Variants in GTPBP6 observed in about 807,000 individuals in gnomAD.
GTPBP6 encodes the protein putative GTP-binding protein 6.
In GTPBP6, 33 loss-of-function variants were observed where a neutral mutation model predicts 28.9. That is an observed-to-expected ratio of 1.14 (90% CI 0.87 to 1.53). GTPBP6 has a LOEUF of 1.53. Ranked by LOEUF, GTPBP6 falls within the 40% of genes most tolerant of loss-of-function variation. GTPBP6 has a pLI of 0.00. For synonymous variants in GTPBP6, 231 were observed against 192.7 expected (o/e 1.20, Z -1.65); for missense variants, 507 against 408.3 (o/e 1.24, Z -2.08).
chrX:304,974 C>G, exon 10 of GTPBP6: 1 of 1,528,056 alleles, frequency 6.5e-7, no homozygotes, highest in Non-Finnish European at 8.8e-7. Context: ...ACAAGGAGGA[C>G]CCTGCTGCAC....
At chrX:307,676 C>T (rs1371837256) in intron 8 of GTPBP6, 56 bp downstream of exon 8, 10 of 1,448,060 alleles carry the variant, frequency 6.9e-6, no homozygotes, top group East Asian at 2.5e-5. Flanking sequence ...TCTCCCCACC[C>T]GGCTCCAGCG....
At chrX:307,108 CTG>C (rs1188458203) in intron 9 of GTPBP6, among the ~76,000 whole-genome samples, 1 of 150,574 alleles carries the variant, frequency 6.6e-6, no homozygotes, top group Admixed American at 6.6e-5. Context: ...TACATTTTGA[CTG>C]TCAGCACAGA....
intron 2 of GTPBP6, among the ~76,000 whole-genome samples, chrX:316,485 C>G (rs2124477645): frequency 6.6e-6 from 1 of 152,278 alleles, no homozygotes; most frequent in African/African-American, 2.4e-5. Flanking sequence ...AGCGTCTTCC[C>G]AACTCTACTG....
Position 313,005 on chromosome X carries a change from G to T in GTPBP6, c.758-81C>A. 4 of 1,246,402 alleles carry T rather than the reference G, an allele frequency of 3.2e-6. No individual in the cohort carries two copies. The East Asian group carries it at 7.3e-5, about 23-fold the overall frequency. 77.2% of individuals were successfully genotyped at this position (1,246,402 alleles called of 1,614,324 possible). On this transcript the variant is annotated intron_variant, in intron 5 of 9. Coordinates refer to ENST00000326153, the Ensembl canonical transcript of GTPBP6. ...CGGGCGGTGCCGCGGAGGGTCTGCGGGGGCCCGGGGCCTGCTCCCGCTCCA... is the reference window on the plus strand; with the variant it reads ...CGGGCGGTGCCGCGGAGGGTCTGCGTGGGCCCGGGGCCTGCTCCCGCTCCA...
Position 315,561 on chromosome X carries a change from C to T in GTPBP6, c.488-262G>A, listed in dbSNP as rs2070415484. The stretch of plus-strand genomic sequence containing the variant: ...AAACACATACACACGCAGACACACA[C>T]ACACACACACACACACACACACACA... On this transcript the variant is annotated intron_variant, in intron 2 of 9. Transcript: ENST00000326153. 2.6e-5 allele frequency among the ~76,000 whole-genome samples: 3 copies of T among 117,016 alleles called. No individual in the cohort carries two copies. In the East Asian group the frequency reaches 6.5e-4, roughly 25 times the overall value. The allele number at this position is 117,016 out of a possible 152,430, so 76.8% of individuals were successfully genotyped here.
At chrX:317,396 G>T (rs1490475127) in intron 1 of GTPBP6, among the ~76,000 whole-genome samples, 1 of 152,080 alleles carries the variant, frequency 6.6e-6, no homozygotes, top group Non-Finnish European at 1.5e-5. Context: ...TCTGCGCGCT[G>T]TTCTGAGCAG....
chrX:314,189 G>A (rs2070379944), exon 5 of GTPBP6: 3 of 1,613,512 alleles, frequency 1.9e-6, no homozygotes, highest in Non-Finnish European at 2.5e-6. Flanking sequence ...CCTCGGTACA[G>A]GTGGGCGACG....
exon 5 of GTPBP6, chrX:314,161 A>G (rs1325985238): frequency 6.2e-7 from 1 of 1,612,194 alleles, no homozygotes; most frequent in African/African-American, 1.3e-5. Context: ...TGACCCCATG[A>G]TGTAGCGCGA....
chrX:311,686 C>T (rs767165782), intron 6 of GTPBP6, 59 bp from the exon 7 acceptor site: 57 of 1,366,480 alleles, frequency 4.2e-5, no homozygotes, highest in South Asian at 1.2e-4. Context: ...CTCCTAGCGC[C>T]GCAGCCAGGC....
intron 6 of GTPBP6, chrX:311,927 G>T: frequency 1.7e-6 from 1 of 586,302 alleles, no homozygotes; most frequent in Non-Finnish European, 3.1e-6. Flanking sequence ...ATTTGGCAAT[G>T]GCGTAGATGG....
chrX:314,544 C>T (rs1473013156), intron 4 of GTPBP6, among the ~76,000 whole-genome samples: 3 of 151,806 alleles, frequency 2.0e-5, no homozygotes, highest in Admixed American at 1.3e-4. Flanking sequence ...GTGATCTCGG[C>T]TCACTGCAAG....
At chrX:308,757 A>G (rs1044985865) in intron 7 of GTPBP6, among the ~76,000 whole-genome samples, 2 of 130,876 alleles carry the variant, frequency 1.5e-5, no homozygotes, top group African/African-American at 3.0e-5. Flanking sequence ...TTTTTTTGAG[A>G]CGAGTCTCGC....
exon 10 of GTPBP6, chrX:304,771 T>C: frequency 7.9e-7 from 1 of 1,271,040 alleles, no homozygotes; most frequent in East Asian, 3.4e-5. Flanking sequence ...AAATCAAAGG[T>C]TTAATGTCCT....
rs1395319028 is a variant in GTPBP6 at position 315,597 on chromosome X, C to T, written c.488-298G>A. ...ACACACACACACACAGTAAATACAT[C>T]CCGACAGGGACAGACACAGACACAC... is the stretch of plus-strand genomic sequence containing the variant. On this transcript the variant is annotated intron_variant, in intron 2 of 9. Coordinates refer to ENST00000326153, the Ensembl canonical transcript of GTPBP6. Among the ~76,000 whole-genome samples the T allele has an allele frequency of 9.4e-5, 12 of 127,940 alleles. No homozygotes were observed. In the South Asian group the frequency reaches 3.0e-3, roughly 32 times the overall value. 83.9% of individuals were successfully genotyped at this position (127,940 alleles called of 152,430 possible).
chrX:317,212 T>A (rs1471703371), intron 1 of GTPBP6, among the ~76,000 whole-genome samples, 161 bp from the exon 2 acceptor site: 1 of 152,098 alleles, frequency 6.6e-6, no homozygotes, highest in Non-Finnish European at 1.5e-5. Context: ...CCAGGGCCTC[T>A]AAGTAGGAAT....
chrX:309,087 TCTC>T (rs2070232834), intron 7 of GTPBP6, among the ~76,000 whole-genome samples: 1 of 152,044 alleles, frequency 6.6e-6, no homozygotes, highest in Non-Finnish European at 1.5e-5. Flanking sequence ...TTCAGTCCCA[TCTC>T]CTCAAGGAGG....
chrX:305,253 G>A, intron 9 of GTPBP6, 56 bp from the exon 10 acceptor site: 1 of 1,291,894 alleles, frequency 7.7e-7, no homozygotes, highest in South Asian at 1.2e-5. Context: ...TATTTGCTTA[G>A]TTTCATGATA....
intron 2 of GTPBP6, among the ~76,000 whole-genome samples, chrX:315,553 G>GAC (rs1215331200): frequency 0.059 from 6,523 of 110,338 alleles, 395 homozygotes; most frequent in Non-Finnish European, 0.075. Context: ...TACACACGCA[G>GAC]ACACACACAC....
exon 10 of GTPBP6, chrX:305,184 C>T (rs1292922184): frequency 1.2e-6 from 2 of 1,613,446 alleles, no homozygotes; most frequent in Admixed American, 3.3e-5. Flanking sequence ...ACTGTGGCCT[C>T]CTTATACAGC....
Sources: allele counts gnomAD v4.1 joint callset (sites outside exome capture counted in the v4.1 genomes callset), GRCh38; gene constraint gnomAD v4.1.1; transcripts MANE v1.5; gene names NCBI Gene and HGNC (gene_info 2026-07-23, HGNC 2026-07-21).